HEPACAM2: variants seen among roughly 807,000 people sequenced by gnomAD.
HEPACAM2 encodes mitotic kinetics regulator.
In HEPACAM2, 49 loss-of-function variants were observed where a neutral mutation model predicts 49.6. The observed-to-expected ratio is 0.99, with a 90% confidence interval of 0.78 to 1.25. HEPACAM2 has a LOEUF of 1.25. Among genes scored for constraint, HEPACAM2 ranks in the 50% most tolerant of loss-of-function variants. HEPACAM2 has a pLI of 0.00. For missense variants in HEPACAM2, 525 were observed against 557.2 expected (o/e 0.94, Z 0.58); for synonymous variants, 197 against 202.9 (o/e 0.97, Z 0.25).
intron 1 of HEPACAM2, among the ~76,000 whole-genome samples, chr7:93,224,915 A>G (rs1422722233): frequency 9.9e-5 from 15 of 152,232 alleles, no homozygotes; most frequent in Admixed American, 9.8e-4. Context: ...AGAAGCAAAC[A>G]AAACTTCAAT....
chr7:93,224,118 A>G (rs997552643), intron 1 of HEPACAM2, among the ~76,000 whole-genome samples: 49 of 152,054 alleles, frequency 3.2e-4, no homozygotes, highest in African/African-American at 1.1e-3. Context: ...GAACAGATAA[A>G]CTTCAAGAAA....
Position 93,192,429 on chromosome 7 carries a change from G to T in HEPACAM2, c.1276-66C>A, listed in dbSNP as rs372451695. 2.3e-5 allele frequency: 27 copies of T among 1,197,366 alleles called. No homozygotes were observed. The East Asian group carries it at 3.7e-4, about 17-fold the overall frequency. 74.2% of individuals were successfully genotyped at this position (1,197,366 alleles called of 1,614,324 possible). A position where few individuals can be genotyped will look rare whatever the true frequency, so the allele number is the denominator to read the frequency against. On this transcript the variant is annotated intron_variant, in intron 8 of 9. Coordinates refer to ENST00000394468, the MANE Select transcript of HEPACAM2 (RefSeq NM_001039372.4). ...TAGTAAATAGTTTTTCCACTATGTTGCATAGTTGAAAACAACTGGCAGTAG... is the reference window on the plus strand; with the variant it reads ...TAGTAAATAGTTTTTCCACTATGTTTCATAGTTGAAAACAACTGGCAGTAG...
intron 4 of HEPACAM2, among the ~76,000 whole-genome samples, chr7:93,204,343 TATC>T (rs1793973098): frequency 1.3e-5 from 2 of 151,904 alleles, no homozygotes; most frequent in Admixed American, 1.3e-4. Context: ...TCTATCTATC[TATC>T]TATCTATCTA....
chr7:93,214,643 A>G (rs1360431547), intron 3 of HEPACAM2, among the ~76,000 whole-genome samples: 1 of 152,202 alleles, frequency 6.6e-6, no homozygotes, highest in Non-Finnish European at 1.5e-5. Flanking sequence ...AGCCTAAAGC[A>G]TAATATTTAA....
intron 3 of HEPACAM2, among the ~76,000 whole-genome samples, chr7:93,213,680 G>T (rs1409945461): frequency 6.6e-6 from 1 of 152,076 alleles, no homozygotes; most frequent in African/African-American, 2.4e-5. Context: ...GAAGAATGCA[G>T]AACTCTGGTT....
At chr7:93,192,219 C>T (rs754714544) in intron 9 of HEPACAM2, 35 bp downstream of exon 9, 9 of 1,476,760 alleles carry the variant, frequency 6.1e-6, no homozygotes, top group Non-Finnish European at 8.5e-6. Context: ...TGCTTAGCCT[C>T]TCCATAGCAC....
intron 1 of HEPACAM2, among the ~76,000 whole-genome samples, chr7:93,225,338 G>GAACA (rs1428195931): frequency 1.3e-5 from 2 of 151,926 alleles, no homozygotes; most frequent in Admixed American, 6.6e-5. Flanking sequence ...GTGATAACTG[G>GAACA]AACAATCACA....
At chr7:93,218,637 C>A (rs1794370210) in intron 2 of HEPACAM2, among the ~76,000 whole-genome samples, 1 of 152,142 alleles carries the variant, frequency 6.6e-6, no homozygotes, top group South Asian at 2.1e-4. Context: ...GCTGACCCCA[C>A]TCCTCCTCAG....
intron 4 of HEPACAM2, 127 bp from the exon 5 acceptor site, chr7:93,197,737 CAGAG>C (rs111505689): frequency 4.8e-5 from 30 of 626,608 alleles, no homozygotes; most frequent in Admixed American, 1.3e-4. Context: ...TAGAGACACA[CAGAG>C]AGAGAGAGAG....
intron 4 of HEPACAM2, 39 bp from the exon 5 acceptor site, chr7:93,197,649 C>T: frequency 6.7e-7 from 1 of 1,484,988 alleles, no homozygotes; most frequent in Non-Finnish European, 9.1e-7. Context: ...CAATAAATTG[C>T]TACAGTATAT....
rs557323102 is a variant in HEPACAM2 at position 93,192,286 on chromosome 7, C to T, written c.1353G>A (p.Gln451=). Reference sequence around the variant, plus strand: ...GGTCTTGCTGCTGGGCAGGGATGTGCTGAATAACTTCATACACTGTACTGT... The same window carrying T: ...GGTCTTGCTGCTGGGCAGGGATGTGTTGAATAACTTCATACACTGTACTGT... ...DLHSTVYEVI[Q]HIPAQQQDHP... The change falls in exon 9 of 10, where the codon CAG becomes CAA. Residue 451 remains glutamine, a synonymous_variant. Coordinates refer to ENST00000394468, the MANE Select transcript of HEPACAM2 (RefSeq NM_001039372.4). 1 of 1,612,606 alleles carries T rather than the reference C, an allele frequency of 6.2e-7. No individual in the cohort carries two copies.
chr7:93,216,683 G>C (rs555529450), intron 2 of HEPACAM2, among the ~76,000 whole-genome samples: 1 of 152,288 alleles, frequency 6.6e-6, no homozygotes, highest in African/African-American at 2.4e-5. Flanking sequence ...AATGAAGAGG[G>C]CTTCACATCT....
chr7:93,202,929 T>A (rs1195104337), intron 4 of HEPACAM2, among the ~76,000 whole-genome samples: 1 of 152,148 alleles, frequency 6.6e-6, no homozygotes, highest in Non-Finnish European at 1.5e-5. Context: ...TTGTCCCTTT[T>A]GATATGTATT....
At chr7:93,230,776 G>C (rs1473744114), upstream of HEPACAM2, among the ~76,000 whole-genome samples, 1 of 152,196 alleles carries the variant, frequency 6.6e-6, no homozygotes, top group African/African-American at 2.4e-5. Flanking sequence ...AATGTGACCA[G>C]AATTTCTTGA....
At chr7:93,218,867 G>T (rs1381402528) in intron 2 of HEPACAM2, among the ~76,000 whole-genome samples, 1 of 152,090 alleles carries the variant, frequency 6.6e-6, no homozygotes, top group Non-Finnish European at 1.5e-5. Flanking sequence ...TATACTTAGT[G>T]CTTGATTACC....
intron 2 of HEPACAM2, 58 bp downstream of exon 2, chr7:93,219,043 G>T: frequency 6.8e-7 from 1 of 1,478,768 alleles, no homozygotes. Flanking sequence ...TTAGTCTCCT[G>T]AGCCTTTGCT....
At chr7:93,224,564 T>A (rs749408838) in intron 1 of HEPACAM2, among the ~76,000 whole-genome samples, 2 of 152,156 alleles carry the variant, frequency 1.3e-5, no homozygotes, top group South Asian at 4.1e-4. Flanking sequence ...CCCTCTTACA[T>A]TGTATGACAA....
At chr7:93,201,760 C>T (rs1405463720) in intron 4 of HEPACAM2, among the ~76,000 whole-genome samples, 1 of 151,998 alleles carries the variant, frequency 6.6e-6, no homozygotes, top group East Asian at 1.9e-4. Context: ...TATATGATGT[C>T]ATCTTAATTG....
At chr7:93,197,814 T>A (rs926242009) in intron 4 of HEPACAM2, among the ~76,000 whole-genome samples, 1 of 152,064 alleles carries the variant, frequency 6.6e-6, no homozygotes, top group African/African-American at 2.4e-5. Context: ...ATACCTGTGA[T>A]TGGAAACGTG....
Sources: gnomAD v4.1 joint callset for allele counts (sites outside exome capture counted in the v4.1 genomes callset) on GRCh38, gnomAD v4.1.1 for gene constraint, MANE v1.5 for transcripts, NCBI Gene and HGNC (gene_info 2026-07-23, HGNC 2026-07-21) for gene names.